Variants in OTUD6B observed in about 807,000 individuals in gnomAD.
The protein encoded by OTUD6B is OTU deubiquitinase 6B, also known as deubiquitinase OTUD6B.
A neutral mutation model predicts 36.9 loss-of-function variants in OTUD6B; 41 were observed. That is an observed-to-expected ratio of 1.11 (90% CI 0.87 to 1.44). OTUD6B has a LOEUF of 1.44. Among genes scored for constraint, OTUD6B ranks in the 40% most tolerant of loss-of-function variants. The probability of loss-of-function intolerance (pLI) is 0.00; values close to 1 mark genes in which losing one functional copy is unlikely to be tolerated. For missense variants in OTUD6B, 356 were observed against 344.8 expected, an observed-to-expected ratio of 1.03 and a Z score of -0.26; for synonymous variants, 114 against 114.2, an observed-to-expected ratio of 1.00 and a Z score of 0.01.
At chr8:91,081,132 T>C (rs1303324600) in intron 5 of OTUD6B, among the ~76,000 whole-genome samples, 2 of 125,372 alleles carry the variant, frequency 1.6e-5, no homozygotes, top group African/African-American at 2.7e-5. Context: ...ATATCTTTTT[T>C]ACATCAGAAA....
chr8:91,079,750 A>G (rs561408834), intron 4 of OTUD6B, among the ~76,000 whole-genome samples: 40 of 152,252 alleles, frequency 2.6e-4, no homozygotes, highest in Middle Eastern at 3.4e-3. Context: ...AAACTCCCCA[A>G]TTGCGCTAGT....
chr8:91,071,804 T>C (rs1476209531), intron 2 of OTUD6B, among the ~76,000 whole-genome samples: 1 of 152,202 alleles, frequency 6.6e-6, no homozygotes, highest in African/African-American at 2.4e-5. Context: ...GCTATACTTC[T>C]TTACCTATTT....
intron 5 of OTUD6B, among the ~76,000 whole-genome samples, chr8:91,082,469 C>T (rs1228291418): frequency 6.6e-6 from 1 of 151,970 alleles, no homozygotes; most frequent in Non-Finnish European, 1.5e-5. Context: ...CAGTCTCAAT[C>T]TTCTAGGCTT....
intron 3 of OTUD6B, among the ~76,000 whole-genome samples, chr8:91,076,911 C>G (rs1172305898): frequency 3.3e-5 from 5 of 152,000 alleles, no homozygotes; most frequent in African/African-American, 1.2e-4. Context: ...GGAGATATTA[C>G]TGCTTTTGAT....
At chr8:91,083,848 T>A (rs1439497000) in intron 5 of OTUD6B, 160 bp from the exon 6 acceptor site, 3 of 326,048 alleles carry the variant, frequency 9.2e-6, no homozygotes, top group Non-Finnish European at 1.3e-5. Context: ...TTATATTTAT[T>A]TATTCAACAG....
chr8:91,084,632 CTTAA>C (rs1439981939), intron 6 of OTUD6B, 148 bp from the exon 7 acceptor site: 1 of 672,904 alleles, frequency 1.5e-6, no homozygotes, highest in Non-Finnish European at 1.8e-6. Context: ...GTGTTGAACT[CTTAA>C]TTAATATGTC....
chr8:91,070,725 A>G (rs922648887), intron 1 of OTUD6B, among the ~76,000 whole-genome samples: 1 of 151,892 alleles, frequency 6.6e-6, no homozygotes, highest in Non-Finnish European at 1.5e-5. Flanking sequence ...AAATACCTAG[A>G]AGCCGCCGTC....
chr8:91,080,512 A>G, intron 4 of OTUD6B, 157 bp from the exon 5 acceptor site: 2 of 953,524 alleles, frequency 2.1e-6, no homozygotes, highest in Non-Finnish European at 2.5e-6. Context: ...TTAAGTTTGG[A>G]CCTGGGAGTT....
chr8:91,073,667 C>A, intron 2 of OTUD6B, 164 bp from the exon 3 acceptor site: 1 of 704,180 alleles, frequency 1.4e-6, no homozygotes, highest in Non-Finnish European at 1.7e-6. Flanking sequence ...TTCTTGGGAA[C>A]TTGTCAAATT....
At chr8:91,078,232 G>A (rs1812836482) in intron 3 of OTUD6B, 124 bp from the exon 4 acceptor site, 11 of 1,439,640 alleles carry the variant, frequency 7.6e-6, no homozygotes, top group African/African-American at 1.4e-5. Context: ...ATGTGATAGT[G>A]TTTGTGCGAG....
Position 91,073,875 on chromosome 8 carries a change from T to G in OTUD6B, c.279T>G (p.Asn93Lys). 6.3e-7 allele frequency: 1 copy of G among 1,594,586 alleles called. No individual in the cohort carries two copies. Among genetic ancestry groups the G allele is most frequent in the Non-Finnish European group, 8.6e-7 (1 of 1,169,064 alleles). The stretch of plus-strand genomic sequence containing the variant: ...ACATTTCAAACTTGGTGCTTGAGAA[T>G]CAGCCACCTCGGATATCAAAAGCAC... Reference protein sequence around the residue: ...AVNISNLVLENQPPRISKAQK... With the variant: ...AVNISNLVLEKQPPRISKAQK... The change falls in exon 3 of 7, where the codon AAT becomes AAG. Residue 93 changes from asparagine to lysine, a missense_variant. Transcript: ENST00000404789.
At chr8:91,071,385 CG>C in intron 2 of OTUD6B, 96 bp downstream of exon 2, 1 of 972,140 alleles carries the variant, frequency 1.0e-6, no homozygotes, top group South Asian at 1.7e-5. Context: ...TTTTTTGAGA[CG>C]GTGTCTCGCT....
chr8:91,078,829 G>T, intron 4 of OTUD6B, 161 bp downstream of exon 4: 1 of 467,590 alleles, frequency 2.1e-6, no homozygotes, highest in African/African-American at 2.0e-5. Flanking sequence ...TTTAATAGAT[G>T]TTGGTGTATT....
chr8:91,070,432 G>A lies in OTUD6B; in HGVS notation c.48G>A (p.Leu16=). 1.3e-6 allele frequency: 2 copies of A among 1,589,930 alleles called. No homozygotes were observed. Among genetic ancestry groups the A allele is most frequent in the Non-Finnish European group, 1.7e-6 (2 of 1,167,674 alleles). The change falls in exon 1 of 7, where the codon CTG becomes CTA. Residue 16 remains leucine, a synonymous_variant. Transcript: ENST00000404789. The part of the protein sequence containing the change: ...TEELDEEEQL[L]RRHRKEKKEL... ...AGCTTGATGAGGAAGAGCAGCTGCT[G>A]AGAAGGCATCGCAAAGAGAAGAAGG... is the stretch of plus-strand genomic sequence containing the variant.
intron 4 of OTUD6B, 61 bp downstream of exon 4, chr8:91,078,729 G>A (rs1812847652): frequency 8.3e-7 from 1 of 1,202,416 alleles, no homozygotes; most frequent in Admixed American, 2.5e-5. Flanking sequence ...TTTAAATAAG[G>A]TGCTTCCCAG....
At chr8:91,073,973 A>G in intron 3 of OTUD6B, 62 bp downstream of exon 3, 1 of 1,119,352 alleles carries the variant, frequency 8.9e-7, no homozygotes, top group South Asian at 1.4e-5. Context: ...TATCTTAGGT[A>G]CTATCTTAGG....
rs539554817 is a variant in OTUD6B, at chr8:91,076,555, C to G, written c.316-1801C>G. 3.9e-6 allele frequency: 6 copies of G among 1,527,182 alleles called. No homozygotes were observed. The South Asian group carries it at 6.0e-5, about 15-fold the overall frequency. 94.6% of individuals were successfully genotyped at this position (1,527,182 alleles called of 1,614,324 possible). ...TAAATAGTACATGACATCATTAACT[C>G]CAGCTCCCATCTGCTCCAACTTTTA... On this transcript the variant is annotated intron_variant, in intron 3 of 6. Coordinates refer to ENST00000404789, the MANE Select transcript of OTUD6B (RefSeq NM_016023.5).
chr8:91,081,666 G>A (rs1262503422), intron 5 of OTUD6B, among the ~76,000 whole-genome samples: 1 of 147,290 alleles, frequency 6.8e-6, no homozygotes, highest in Non-Finnish European at 1.5e-5. Flanking sequence ...GATGAACCTA[G>A]GCAGTACGAT....
At chr8:91,080,377 A>G (rs534590218) in intron 4 of OTUD6B, among the ~76,000 whole-genome samples, 1 of 152,172 alleles carries the variant, frequency 6.6e-6, no homozygotes, top group East Asian at 1.9e-4. Context: ...TTTGGGGTCA[A>G]CGCTTGGGGT....
Sources: gnomAD v4.1 joint callset for allele counts (sites outside exome capture counted in the v4.1 genomes callset) on GRCh38, gnomAD v4.1.1 for gene constraint, MANE v1.5 for transcripts, NCBI Gene and HGNC (gene_info 2026-07-23, HGNC 2026-07-21) for gene names.